NR3C2: variants seen among roughly 807,000 people sequenced by gnomAD.
NR3C2 encodes nuclear receptor subfamily 3 group C member 2.
In NR3C2, 15 loss-of-function variants were observed where a neutral mutation model predicts 86.4. The ratio of observed to expected loss-of-function variants is 0.17; its 90% confidence interval spans 0.12 to 0.27. NR3C2 has a LOEUF of 0.27. Among genes scored for constraint, NR3C2 ranks in the 10% least tolerant of loss-of-function variants. The pLI, the probability that NR3C2 is intolerant of heterozygous loss-of-function variation, is 1.00. For synonymous variants in NR3C2, 458 were observed against 450.5 expected (o/e 1.02, Z -0.21); for missense variants, 960 against 1,195.6 (o/e 0.80, Z 2.91).
chr4:148,375,249 A>G (rs1027659337), intron 2 of NR3C2, among the ~76,000 whole-genome samples: 2 of 152,258 alleles, frequency 1.3e-5, no homozygotes, highest in South Asian at 4.1e-4. Context: ...TGAGGTCGGT[A>G]GTTCGAAACC....
At chr4:148,204,490 C>T (rs992841585) in intron 3 of NR3C2, among the ~76,000 whole-genome samples, 1 of 152,156 alleles carries the variant, frequency 6.6e-6, no homozygotes, top group African/African-American at 2.4e-5. Flanking sequence ...GGGGGGAGTC[C>T]TATGAGATTG....
intron 6 of NR3C2, among the ~76,000 whole-genome samples, chr4:148,147,764 G>A (rs1221393398): frequency 6.6e-6 from 1 of 152,202 alleles, no homozygotes; most frequent in Non-Finnish European, 1.5e-5. Flanking sequence ...TGTGGTGGAA[G>A]GTAGGAAAGC....
intron 3 of NR3C2, among the ~76,000 whole-genome samples, chr4:148,235,262 TTATA>T (rs370271975): frequency 4.9e-5 from 7 of 143,718 alleles, no homozygotes; most frequent in African/African-American, 1.0e-4. Flanking sequence ...TAAGTGGCAA[TTATA>T]TATATATATA....
At chr4:148,375,717 A>G (rs1746643662) in intron 2 of NR3C2, among the ~76,000 whole-genome samples, 1 of 152,176 alleles carries the variant, frequency 6.6e-6, no homozygotes. Flanking sequence ...GAATTAAAAA[A>G]AACAGTTTCA....
chr4:148,178,071 C>T (rs1295023611), intron 4 of NR3C2, among the ~76,000 whole-genome samples: 2 of 152,210 alleles, frequency 1.3e-5, no homozygotes, highest in Non-Finnish European at 2.9e-5. Context: ...GGCGCAGTGG[C>T]TCACGCCTGT....
intron 8 of NR3C2, among the ~76,000 whole-genome samples, chr4:148,085,734 T>C (rs1188508044): frequency 6.6e-6 from 1 of 151,806 alleles, no homozygotes; most frequent in South Asian, 2.1e-4. Context: ...ACAAAATAGA[T>C]AGACTGCCAG....
chr4:148,102,922 T>C (rs1197300874), intron 8 of NR3C2, among the ~76,000 whole-genome samples: 1 of 152,212 alleles, frequency 6.6e-6, no homozygotes, highest in East Asian at 1.9e-4. Flanking sequence ...CCAGATTCTC[T>C]ACAGATGTGG....
intron 3 of NR3C2, among the ~76,000 whole-genome samples, chr4:148,241,954 ATGT>A (rs1200937637): frequency 3.9e-5 from 6 of 152,196 alleles, no homozygotes; most frequent in African/African-American, 1.2e-4. Flanking sequence ...AAAAGGACAA[ATGT>A]TGTATAATTT....
chr4:148,100,108 C>T lies in NR3C2; in HGVS notation c.2799+13996G>A, dbSNP rs1380335193. Among the ~76,000 whole-genome samples, 7 of 152,248 alleles carry T rather than the reference C, an allele frequency of 4.6e-5. No homozygotes were observed. In the East Asian group the frequency reaches 1.2e-3, roughly 25 times the overall value. ...CCTGTGAAATATCAATGATGAAGCA[C>T]GAGGAGCTGGTGATCATAAGAAAAA... On this transcript the variant is annotated intron_variant, in intron 8 of 8. Coordinates refer to ENST00000358102, the MANE Select transcript of NR3C2 (RefSeq NM_000901.5).
chr4:148,333,904 A>G (rs1744354456), intron 2 of NR3C2, among the ~76,000 whole-genome samples: 1 of 152,226 alleles, frequency 6.6e-6, no homozygotes, highest in Admixed American at 6.5e-5. Context: ...ACTAGCTTGG[A>G]AAGACTGGAC....
intron 3 of NR3C2, among the ~76,000 whole-genome samples, chr4:148,248,140 A>C (rs577517361): frequency 7.9e-5 from 12 of 152,340 alleles, no homozygotes; most frequent in Admixed American, 3.9e-4. Context: ...TTTTTGATCT[A>C]ATATTTAGAA....
At chr4:148,406,294 T>C (rs1748421501) in intron 2 of NR3C2, among the ~76,000 whole-genome samples, 1 of 152,092 alleles carries the variant, frequency 6.6e-6, no homozygotes, top group Non-Finnish European at 1.5e-5. Context: ...AATAACAATA[T>C]TAAAAATATA....
At chr4:148,318,939 G>C (rs893368902) in intron 2 of NR3C2, among the ~76,000 whole-genome samples, 34 of 151,124 alleles carry the variant, frequency 2.2e-4, no homozygotes, top group Middle Eastern at 6.8e-3. Context: ...TTTTAGACAT[G>C]AAGTCCTTGC....
chr4:148,436,882 T>G lies in NR3C2; in HGVS notation c.-2-20A>C. On this transcript the variant is annotated intron_variant, in intron 1 of 8. Transcript: ENST00000358102. Reference sequence around the variant, plus strand: ...CCATCGCTAACAAATAAATTTACATTAAAAAATTAGAGTCAGTTATAGCAA... The same window carrying G: ...CCATCGCTAACAAATAAATTTACATGAAAAAATTAGAGTCAGTTATAGCAA... 1.9e-6 allele frequency: 3 copies of G among 1,569,492 alleles called. No individual in the cohort carries two copies. The highest frequency in any genetic ancestry group is 2.6e-6 in the Non-Finnish European group (3 of 1,156,288).
At chr4:148,178,256 G>A (rs1190259660) in intron 4 of NR3C2, among the ~76,000 whole-genome samples, 2 of 151,740 alleles carry the variant, frequency 1.3e-5, no homozygotes, top group East Asian at 1.9e-4. Flanking sequence ...ACTTGAACCC[G>A]GGAGGCGGAG....
chr4:148,182,815 G>A (rs1165043387), intron 4 of NR3C2, among the ~76,000 whole-genome samples: 2 of 152,170 alleles, frequency 1.3e-5, no homozygotes, highest in Non-Finnish European at 2.9e-5. Context: ...CCTTGGGCAA[G>A]CTTTTATTAC....
chr4:148,333,613 C>T (rs1365153149), intron 2 of NR3C2, among the ~76,000 whole-genome samples: 1 of 152,174 alleles, frequency 6.6e-6, no homozygotes, highest in Non-Finnish European at 1.5e-5. Flanking sequence ...GTCCCACATG[C>T]TAGTCCCACA....
chr4:148,413,395 T>C (rs1352975021), intron 2 of NR3C2, among the ~76,000 whole-genome samples: 1 of 152,044 alleles, frequency 6.6e-6, no homozygotes, highest in East Asian at 1.9e-4. Context: ...GCTGTAAGAA[T>C]ACATTGAAAA....
At chr4:148,082,128 C>A (rs1730591665) in intron 8 of NR3C2, among the ~76,000 whole-genome samples, 1 of 152,250 alleles carries the variant, frequency 6.6e-6, no homozygotes, top group Admixed American at 6.5e-5. Context: ...CTATTTCAGG[C>A]TGATTTTGAG....
Sources: allele counts gnomAD v4.1 joint callset (sites outside exome capture counted in the v4.1 genomes callset), GRCh38; gene constraint gnomAD v4.1.1; transcripts MANE v1.5; gene names NCBI Gene and HGNC (gene_info 2026-07-23, HGNC 2026-07-21).